Variants in ZNF143 observed in about 807,000 individuals in gnomAD.
The protein encoded by ZNF143 is SPH-binding factor.
A neutral mutation model predicts 74.1 loss-of-function variants in ZNF143; 49 were observed. That is an observed-to-expected ratio of 0.66 (90% confidence interval 0.53 to 0.84). The LOEUF (loss-of-function observed/expected upper bound fraction) is 0.84, where lower values mean the gene tolerates loss of function less well. ZNF143 is among the 40% of genes least tolerant of loss of function. The pLI is 0.00. For missense variants in ZNF143, 637 were observed against 793.4 expected (o/e 0.80, Z 2.37); for synonymous variants, 304 against 282.8 (o/e 1.07, Z -0.75).
At chr11:9,525,675 GTC>G (rs1173439762) in intron 15 of ZNF143, among the ~76,000 whole-genome samples, 1 of 152,124 alleles carries the variant, frequency 6.6e-6, no homozygotes, top group African/African-American at 2.4e-5. Flanking sequence ...CAAAATAAAA[GTC>G]TAATTAGGCA....
chr11:9,488,981 C>G (rs1847667207), intron 7 of ZNF143, among the ~76,000 whole-genome samples: 1 of 152,102 alleles, frequency 6.6e-6, no homozygotes, highest in African/African-American at 2.4e-5. Context: ...ATTTCCAATA[C>G]AAGGGGAGGG....
intron 1 of ZNF143, among the ~76,000 whole-genome samples, chr11:9,468,813 G>T (rs555505654): frequency 6.6e-6 from 1 of 152,080 alleles, no homozygotes; most frequent in South Asian, 2.1e-4. Context: ...GTCCAGCCTG[G>T]GTGACAGAGT....
intron 12 of ZNF143, among the ~76,000 whole-genome samples, chr11:9,510,130 T>A (rs901209800): frequency 6.6e-6 from 1 of 151,418 alleles, no homozygotes; most frequent in African/African-American, 2.4e-5. Context: ...CTTTTTTTTT[T>A]TTTTTTATTT....
Position 9,471,455 on chromosome 11 carries a change from A to G in ZNF143, c.112+35A>G, listed in dbSNP as rs946048299. The G allele has an allele frequency of 6.2e-6, 9 of 1,457,404 alleles. No individual in the cohort carries two copies. In the African/African-American group the frequency reaches 1.0e-4, roughly 16 times the overall value. 90.3% of individuals were successfully genotyped at this position (1,457,404 alleles called of 1,614,324 possible). On this transcript the variant is annotated intron_variant, in intron 2 of 15. Transcript: ENST00000396602. Reference sequence around the variant, plus strand: ...TGTGTTTGAAGGGATGCGTTTGAAAATATCATTTATCTTAAAAGAAAAAAA... The same window carrying G: ...TGTGTTTGAAGGGATGCGTTTGAAAGTATCATTTATCTTAAAAGAAAAAAA...
At chr11:9,522,226 G>A (rs1405659124) in intron 14 of ZNF143, among the ~76,000 whole-genome samples, 1 of 152,050 alleles carries the variant, frequency 6.6e-6, no homozygotes, top group Non-Finnish European at 1.5e-5. Context: ...AATAAGGACT[G>A]GGCGCAGTGG....
intron 8 of ZNF143, 62 bp from the exon 9 acceptor site, chr11:9,496,241 T>A: frequency 6.7e-7 from 1 of 1,483,488 alleles, no homozygotes; most frequent in Non-Finnish European, 9.4e-7. Flanking sequence ...AGTTCTGTGT[T>A]GCAACCATCT....
intron 7 of ZNF143, among the ~76,000 whole-genome samples, chr11:9,481,459 A>G (rs562876930): frequency 6.6e-6 from 1 of 152,166 alleles, no homozygotes; most frequent in African/African-American, 2.4e-5. Flanking sequence ...GTCAACCTCT[A>G]CTAAGATGCA....
intron 15 of ZNF143, 114 bp downstream of exon 15, chr11:9,525,500 C>G: frequency 2.2e-6 from 3 of 1,364,002 alleles, no homozygotes. Flanking sequence ...AGAATAATCT[C>G]TATCACCTAG....
chr11:9,501,403 T>C (rs1848152373), intron 11 of ZNF143, 133 bp downstream of exon 11: 1 of 1,045,610 alleles, frequency 9.6e-7, no homozygotes, highest in Non-Finnish European at 1.4e-6. Context: ...ATTAAGCAAC[T>C]TGAAAAAGTT....
At position 9,478,921 on chromosome 11, in the gene ZNF143, G is replaced by C. The variant is rs899774835; in HGVS notation, c.570+335G>C. The stretch of plus-strand genomic sequence containing the variant: ...AAAGGGAATGGAGTAAAGACTTATA[G>C]AAGAGAAATGAGTGGCAGGTAATTC... On this transcript the variant is annotated intron_variant, in intron 6 of 15. Transcript: ENST00000396602. 2.0e-5 allele frequency among the ~76,000 whole-genome samples: 3 copies of C among 152,174 alleles called. No homozygotes were observed. The South Asian group carries it at 6.2e-4, about 32-fold the overall frequency.
chr11:9,516,156 A>G lies in ZNF143; in HGVS notation c.1525-45A>G, dbSNP rs142285606. On this transcript the variant is annotated intron_variant, in intron 13 of 15. Coordinates refer to ENST00000396602, the MANE Select transcript of ZNF143 (RefSeq NM_003442.6). Reference sequence around the variant, plus strand: ...TGGTCCTTATGGAAGATTGTCAGCTATAACAAGAAACATTGACTGCTTTGT... The same window carrying G: ...TGGTCCTTATGGAAGATTGTCAGCTGTAACAAGAAACATTGACTGCTTTGT... 511 of 1,599,778 alleles carry G rather than the reference A, an allele frequency of 3.2e-4. 3 individuals are homozygous for G. The East Asian group carries it at 0.01, about 32-fold the overall frequency.
intron 5 of ZNF143, among the ~76,000 whole-genome samples, chr11:9,477,750 C>T (rs1199326473): frequency 6.6e-6 from 1 of 152,140 alleles, no homozygotes; most frequent in Non-Finnish European, 1.5e-5. Context: ...GTCATACTGA[C>T]ATGAGTTCAA....
At chr11:9,518,551 T>G (rs191738813) in intron 14 of ZNF143, among the ~76,000 whole-genome samples, 72 of 152,186 alleles carry the variant, frequency 4.7e-4, no homozygotes, top group Non-Finnish European at 7.1e-4. Flanking sequence ...CCGTCTCTAA[T>G]AAAAATACAA....
intron 11 of ZNF143, among the ~76,000 whole-genome samples, chr11:9,503,374 G>C (rs1434255175): frequency 1.3e-5 from 2 of 152,080 alleles, no homozygotes; most frequent in Non-Finnish European, 2.9e-5. Context: ...TGTGTACTTA[G>C]GAGTGGACTT....
chr11:9,470,736 C>T (rs1329504111), intron 1 of ZNF143, among the ~76,000 whole-genome samples: 4 of 152,116 alleles, frequency 2.6e-5, no homozygotes, highest in Non-Finnish European at 5.9e-5. Context: ...AGGTTTTGAG[C>T]AGAAGCGGGA....
intron 14 of ZNF143, among the ~76,000 whole-genome samples, chr11:9,518,441 G>A (rs529049579): frequency 6.6e-6 from 1 of 152,168 alleles, no homozygotes; most frequent in African/African-American, 2.4e-5. Context: ...GGCTGGGTGC[G>A]GTGGCTCACG....
At position 9,501,060 on chromosome 11, in the gene ZNF143, C is replaced by T. The variant is rs373950250; in HGVS notation, c.968-31C>T. The T allele has an allele frequency of 1.4e-5, 23 of 1,611,630 alleles. No homozygotes were observed. The African/African-American group carries it at 1.7e-4, about 12-fold the overall frequency. ...TTTTAATCCTCTATATATTTTTGCA[C>T]CATTTAATGTATTACCCTTTATATT... On this transcript the variant is annotated intron_variant, in intron 10 of 15. Coordinates refer to ENST00000396602, the MANE Select transcript of ZNF143 (RefSeq NM_003442.6).
chr11:9,517,780 A>G (rs1471381133), intron 14 of ZNF143, among the ~76,000 whole-genome samples: 2 of 152,242 alleles, frequency 1.3e-5, no homozygotes, highest in Non-Finnish European at 2.9e-5. Context: ...ACTCAGAATC[A>G]TAAAGCCTCT....
At chr11:9,516,612 T>C (rs900925547) in intron 14 of ZNF143, among the ~76,000 whole-genome samples, 3 of 152,144 alleles carry the variant, frequency 2.0e-5, no homozygotes, top group African/African-American at 7.2e-5. Flanking sequence ...AGCCCACATA[T>C]ATATTAAGTG....
Sources: allele counts gnomAD v4.1 joint callset (sites outside exome capture counted in the v4.1 genomes callset), GRCh38; gene constraint gnomAD v4.1.1; transcripts MANE v1.5; gene names NCBI Gene and HGNC (gene_info 2026-07-23, HGNC 2026-07-21).